Variants in SMCO2 observed in about 807,000 individuals in gnomAD.
The protein encoded by SMCO2 is single-pass membrane and coiled-coil domain-containing protein 2.
SMCO2 carries 25 observed loss-of-function variants against 29.5 expected under a neutral mutation model. The observed-to-expected ratio is 0.85, with a 90% CI of 0.62 to 1.18. The LOEUF (loss-of-function observed/expected upper bound fraction) is 1.18. Ranked by LOEUF, SMCO2 falls within the 50% of genes most tolerant of loss-of-function variation. The pLI is 0.00. For missense variants in SMCO2, 348 were observed against 344.5 expected (o/e 1.01, Z -0.08); for synonymous variants, 117 against 123.3 (o/e 0.95, Z 0.34).
chr12:27,477,210 G>GTTTTTTTTTTT (rs770789669), intron 4 of SMCO2, among the ~76,000 whole-genome samples: 1 of 62,654 alleles, frequency 1.6e-5, no homozygotes, highest in Non-Finnish European at 2.6e-5. Flanking sequence ...TGGCTGTCAG[G>GTTTTTTTTTTT]TTTTTTTTTT....
At chr12:27,470,709 TAAGAAA>T (rs1473271233) in exon 2 of SMCO2, 2 of 1,551,094 alleles carry the variant, frequency 1.3e-6, no homozygotes, top group African/African-American at 2.7e-5. Context: ...AACAGCTGAC[TAAGAAA>T]AACAATGGCT....
chr12:27,501,010 C>G lies in SMCO2; in HGVS notation c.684-913C>G, dbSNP rs993508998. On this transcript the variant is annotated intron_variant, in intron 7 of 7. Transcript: ENST00000298876. ...CTTTGTGTTCTTCTGGATTTTCTGC[C>G]CTAATCATATAATACATTTATAACT... Among the ~76,000 whole-genome samples, 16 of 150,312 alleles carry G rather than the reference C, an allele frequency of 1.1e-4. 3 individuals are homozygous for G. The highest frequency in any genetic ancestry group is 4.0e-4 in the African/African-American group (16 of 40,074).
chr12:27,435,014 T>C, the SMCO2 span, among the ~76,000 whole-genome samples: 2 of 152,078 alleles, frequency 1.3e-5, no homozygotes, highest in South Asian at 4.1e-4. Flanking sequence ...CATAGCAGGG[T>C]AAACTGTGCT....
At chr12:27,423,346 T>C in the SMCO2 span, 1 of 134,444 alleles carries the variant, frequency 7.4e-6, no homozygotes, top group Non-Finnish European at 1.6e-5. Context: ...TTTTTTTTTT[T>C]TGAGATGGAG....
chr12:27,474,987 T>C, intron 4 of SMCO2, 74 bp downstream of exon 4: 1 of 1,493,578 alleles, frequency 6.7e-7, no homozygotes, highest in South Asian at 1.3e-5. Flanking sequence ...GCAGATAACT[T>C]AGGGAAAGTC....
intron 2 of SMCO2, among the ~76,000 whole-genome samples, chr12:27,472,148 C>T (rs1337545245): frequency 6.6e-6 from 1 of 152,104 alleles, no homozygotes; most frequent in African/African-American, 2.4e-5. Flanking sequence ...ATGAAATGGA[C>T]TCCAAAATAG....
exon 2 of SMCO2, chr12:27,470,670 T>C: frequency 6.4e-7 from 1 of 1,551,200 alleles, no homozygotes; most frequent in Admixed American, 2.0e-5. Context: ...ACAAAATGTC[T>C]CTGCAGATGA....
chr12:27,427,978 G>A, the SMCO2 span, among the ~76,000 whole-genome samples: 1 of 152,132 alleles, frequency 6.6e-6, no homozygotes, highest in South Asian at 2.1e-4. Context: ...AATCATATGG[G>A]GTTGAAGCTG....
At chr12:27,478,633 C>A (rs1949612076) in intron 4 of SMCO2, among the ~76,000 whole-genome samples, 1 of 152,004 alleles carries the variant, frequency 6.6e-6, no homozygotes, top group African/African-American at 2.4e-5. Context: ...GTAGGCTGGG[C>A]AGGCTGGTCC....
At chr12:27,470,707 A>C in exon 2 of SMCO2, 1 of 1,551,284 alleles carries the variant, frequency 6.4e-7, no homozygotes, top group African/African-American at 1.4e-5. Flanking sequence ...ACAACAGCTG[A>C]CTAAGAAAAA....
At chr12:27,461,376 T>A in the SMCO2 span, among the ~76,000 whole-genome samples, 1 of 152,158 alleles carries the variant, frequency 6.6e-6, no homozygotes, top group Non-Finnish European at 1.5e-5. Context: ...TAGTACTCAA[T>A]AGGTAGTTTT....
chr12:27,484,558 G>A (rs757210312), intron 4 of SMCO2, among the ~76,000 whole-genome samples: 4 of 151,978 alleles, frequency 2.6e-5, no homozygotes, highest in Admixed American at 6.5e-5. Flanking sequence ...TCTGGTTTGC[G>A]TTGTGCCTGA....
chr12:27,459,109 C>A, the SMCO2 span, among the ~76,000 whole-genome samples: 4 of 148,218 alleles, frequency 2.7e-5, no homozygotes, highest in Non-Finnish European at 4.4e-5. Flanking sequence ...ATGGCATGAA[C>A]CCGGGAAGTG....
intron 1 of SMCO2, among the ~76,000 whole-genome samples, chr12:27,468,083 A>G (rs1949512015): frequency 6.6e-6 from 1 of 152,212 alleles, no homozygotes; most frequent in African/African-American, 2.4e-5. Context: ...TATTAGTATT[A>G]CTATTGTTAG....
At chr12:27,456,154 G>A in the SMCO2 span, among the ~76,000 whole-genome samples, 3 of 152,238 alleles carry the variant, frequency 2.0e-5, no homozygotes, top group Non-Finnish European at 4.4e-5. Flanking sequence ...GGCAGAGGTT[G>A]CGGTGAGCCG....
the SMCO2 span, among the ~76,000 whole-genome samples, chr12:27,432,968 G>C: frequency 1.3e-5 from 2 of 152,120 alleles, no homozygotes; most frequent in Admixed American, 6.5e-5. Flanking sequence ...TATGAAATTA[G>C]ATTTGTATGA....
chr12:27,480,865 T>G (rs1298120107), intron 4 of SMCO2, among the ~76,000 whole-genome samples: 1 of 152,184 alleles, frequency 6.6e-6, no homozygotes, highest in African/African-American at 2.4e-5. Flanking sequence ...AATATACCTC[T>G]TTTCTTTATA....
rs140842161 is a variant in SMCO2 at position 27,488,670 on chromosome 12, G to A, written c.450+123G>A. On this transcript the variant is annotated intron_variant, in intron 5 of 7. Transcript: ENST00000298876. ...GACTCATAAGCAGGAGTGCTCTCTGGTGGTCACGTCTGAGCACCCTTTTCC... is the reference window on the plus strand; with the variant it reads ...GACTCATAAGCAGGAGTGCTCTCTGATGGTCACGTCTGAGCACCCTTTTCC... 1.9e-3 allele frequency: 1,141 copies of A among 615,176 alleles called. 3 individuals carry two copies. Among genetic ancestry groups the A allele is most frequent in the South Asian group, 4.2e-3 (90 of 21,324 alleles). The allele number at this position is 615,176 out of a possible 1,614,324, so 38.1% of individuals were successfully genotyped here. A position where few individuals can be genotyped will look rare whatever the true frequency, so the allele number is the denominator to read the frequency against.
At chr12:27,442,761 C>T in the SMCO2 span, among the ~76,000 whole-genome samples, 2 of 152,316 alleles carry the variant, frequency 1.3e-5, no homozygotes, top group Admixed American at 1.3e-4. Context: ...GCTGCAACTA[C>T]AGGCATGCGC....
Sources: allele counts gnomAD v4.1 joint callset (sites outside exome capture counted in the v4.1 genomes callset), GRCh38; gene constraint gnomAD v4.1.1; transcripts MANE v1.5; gene names NCBI Gene and HGNC (gene_info 2026-07-23, HGNC 2026-07-21).